ARHGEF12: variants seen among roughly 807,000 people sequenced by gnomAD.
ARHGEF12 encodes the protein KMT2A/ARHGEF12 fusion protein.
Under a neutral mutation model 211.2 loss-of-function variants are expected in ARHGEF12, and 66 were observed. The observed-to-expected ratio is 0.31, with a 90% CI of 0.26 to 0.38. The LOEUF (loss-of-function observed/expected upper bound fraction) is 0.38, where lower values mean the gene tolerates loss of function less well. Among genes scored for constraint, ARHGEF12 ranks in the 10% least tolerant of loss-of-function variants. The pLI is 1.00. For synonymous variants in ARHGEF12, 592 were observed against 638.4 expected, an observed-to-expected ratio of 0.93 and a Z score of 1.09; for missense variants, 1,429 against 1,869.5, an observed-to-expected ratio of 0.76 and a Z score of 4.34.
Position 120,433,990 on chromosome 11 carries a change from T to C in ARHGEF12, c.924+2079T>C, listed in dbSNP as rs150558883. 4.7e-4 allele frequency among the ~76,000 whole-genome samples: 71 copies of C among 152,248 alleles called. No homozygotes were observed. The East Asian group carries it at 0.014, about 29-fold the overall frequency. On this transcript the variant is annotated intron_variant, in intron 11 of 40. Transcript: ENST00000397843. The stretch of plus-strand genomic sequence containing the variant: ...GGTAAAAAAAAAAGAGTGAATTGTT[T>C]AGTATAGAAATAGGCATTCCAATCA...
intron 1 of ARHGEF12, among the ~76,000 whole-genome samples, chr11:120,377,382 G>A (rs537750757): frequency 6.6e-6 from 1 of 151,720 alleles, no homozygotes; most frequent in African/African-American, 2.4e-5. Context: ...TGTTTCCCAG[G>A]CTGGCTGGAG....
At chr11:120,448,424 C>A in intron 20 of ARHGEF12, 76 bp downstream of exon 20, 2 of 1,062,510 alleles carry the variant, frequency 1.9e-6, no homozygotes, top group South Asian at 1.4e-5. Flanking sequence ...CTTCCATCAT[C>A]TTAGTATTTA....
At chr11:120,455,724 G>T (rs1170782763) in intron 22 of ARHGEF12, among the ~76,000 whole-genome samples, 4 of 152,222 alleles carry the variant, frequency 2.6e-5, no homozygotes, top group East Asian at 1.9e-4. Flanking sequence ...CACTGCTCCA[G>T]ATTGGAACAC....
intron 34 of ARHGEF12, 106 bp from the exon 35 acceptor site, chr11:120,477,111 GTT>G: frequency 1.5e-5 from 11 of 717,112 alleles, no homozygotes; most frequent in Non-Finnish European, 2.6e-5. Context: ...TGTTGTTGTT[GTT>G]GTTGTTGGTT....
At position 120,477,572 on chromosome 11, in the gene ARHGEF12, G is replaced by A. The variant is rs763767687; in HGVS notation, c.3532+46G>A. On this transcript the variant is annotated intron_variant, in intron 36 of 40. Coordinates refer to ENST00000397843, the MANE Select transcript of ARHGEF12 (RefSeq NM_015313.3). ...CAATGGAGAATGTGCTCTATTATCT[G>A]TTAAAATGCTGGCCGGATGTGGTGG... 3.2e-6 allele frequency: 5 copies of A among 1,560,132 alleles called. No individual in the cohort carries two copies. The South Asian group carries it at 5.7e-5, about 18-fold the overall frequency.
At chr11:120,381,816 C>G (rs2135454956) in intron 1 of ARHGEF12, among the ~76,000 whole-genome samples, 1 of 152,338 alleles carries the variant, frequency 6.6e-6, no homozygotes, top group South Asian at 2.1e-4. Context: ...AAACACTCTC[C>G]TCTCCTCTAG....
At position 120,477,877 on chromosome 11, in the gene ARHGEF12, A is replaced by G. The variant is rs560757122; in HGVS notation, c.3533-279A>G. ...ACCGAAACACCAAAAAAAAAAAAGA[A>G]AAAAAGAAAAAAAAGAAAATAAAAT... On this transcript the variant is annotated intron_variant, in intron 36 of 40. Coordinates refer to ENST00000397843, the MANE Select transcript of ARHGEF12 (RefSeq NM_015313.3). Among the ~76,000 whole-genome samples the G allele has an allele frequency of 7.1e-4, 106 of 149,084 alleles. 1 individual carries two copies. Among genetic ancestry groups the G allele is most frequent in the Non-Finnish European group, 1.2e-3 (83 of 67,836 alleles).
intron 1 of ARHGEF12, among the ~76,000 whole-genome samples, chr11:120,354,480 T>A (rs1247157056): frequency 6.6e-6 from 1 of 152,248 alleles, no homozygotes. Flanking sequence ...TTACTTTTAA[T>A]CTCATTTCTT....
Position 120,480,000 on chromosome 11 carries a change from G to T in ARHGEF12, c.3807G>T (p.Leu1269Phe). 6.2e-7 allele frequency: 1 copy of T among 1,614,060 alleles called. No individual in the cohort carries two copies. The highest frequency in any genetic ancestry group is 1.1e-5 in the South Asian group (1 of 91,042). Residue 1269 changes from leucine (L) to phenylalanine (F), a missense_variant, in exon 38 of 41, where the codon TTG (leucine) becomes TTT (phenylalanine). Leu to Phe is a conservative substitution (Grantham distance 22, BLOSUM62 0). Around this residue, in one of 7 missense-constraint regions of ARHGEF12, gnomAD observed 467 missense variants for 468.4 expected, o/e 1.00. Transcript: ENST00000397843. ...LKQLLVQQLGLTEKSVQEDWQ... is the reference protein window; with the variant it reads ...LKQLLVQQLGFTEKSVQEDWQ... ...AGTTGCTGGTGCAACAGCTAGGTTT[G>T]ACTGAGAAGAGCGTTCAGGAAGACT...
Position 120,433,425 on chromosome 11 carries a change from G to A in ARHGEF12, c.924+1514G>A, listed in dbSNP as rs549974923. 6.6e-5 allele frequency among the ~76,000 whole-genome samples: 10 copies of A among 152,172 alleles called. No individual in the cohort carries two copies. The South Asian group carries it at 1.5e-3, about 22-fold the overall frequency. Reference sequence around the variant, plus strand: ...CATACCGCTTTTGGGAATGCTTTTCGTACTCTTCTTTTTGTTTTAGTAATG... The same window carrying A: ...CATACCGCTTTTGGGAATGCTTTTCATACTCTTCTTTTTGTTTTAGTAATG... On this transcript the variant is annotated intron_variant, in intron 11 of 40. Transcript: ENST00000397843.
At chr11:120,338,230 A>G (rs560250867) in intron 1 of ARHGEF12, among the ~76,000 whole-genome samples, 24 of 152,366 alleles carry the variant, frequency 1.6e-4, no homozygotes, top group African/African-American at 5.3e-4. Context: ...GAATTATTAC[A>G]CCGTGAAAAA....
At position 120,428,723 on chromosome 11, in the gene ARHGEF12, G is replaced by T. The variant is rs116797112; in HGVS notation, c.585+476G>T. On this transcript the variant is annotated intron_variant, in intron 8 of 40. Coordinates refer to ENST00000397843, the MANE Select transcript of ARHGEF12 (RefSeq NM_015313.3). ...CAAAAAAAATGCTAAGTTCTATGAG[G>T]ATTCAAAGGAGGGAGAAAGCACATA... Among the ~76,000 whole-genome samples the T allele has an allele frequency of 6.5e-3, 988 of 152,228 alleles. 10 individuals are homozygous for T. Among genetic ancestry groups the T allele is most frequent in the African/African-American group, 0.023 (936 of 41,534 alleles).
chr11:120,448,153 T>TC, intron 19 of ARHGEF12, 81 bp from the exon 20 acceptor site: 1 of 1,076,648 alleles, frequency 9.3e-7, no homozygotes, highest in South Asian at 1.4e-5. Context: ...AACCTTGGGG[T>TC]TTTGGAAATC....
In ARHGEF12 at chr11:120,485,891, G is replaced by T. The variant is rs1947384630; in HGVS notation, c.*814G>T. The T allele has an allele frequency of 1.3e-5, 3 of 233,098 alleles. No individual in the cohort carries two copies. The highest frequency in any genetic ancestry group is 2.5e-3 in the Middle Eastern group (2 of 806). 14.4% of individuals were successfully genotyped at this position (233,098 alleles called of 1,614,324 possible). A position where few individuals can be genotyped will look rare whatever the true frequency, so the allele number is the denominator to read the frequency against. ...TCCATTGTCGTCTTTTCTATTGAGG[G>T]TTGGGATTTGGGTGGGAGAGGAAAG... On this transcript the variant is annotated 3_prime_UTR_variant, in exon 41 of 41. Transcript: ENST00000397843.
intron 1 of ARHGEF12, among the ~76,000 whole-genome samples, chr11:120,395,765 C>T (rs1169828769): frequency 2.0e-5 from 3 of 152,010 alleles, no homozygotes; most frequent in South Asian, 2.1e-4. Context: ...AAAAGACCCC[C>T]CCCCTTCATG....
At chr11:120,434,980 C>G (rs1406703379) in intron 11 of ARHGEF12, among the ~76,000 whole-genome samples, 2 of 152,148 alleles carry the variant, frequency 1.3e-5, no homozygotes. Flanking sequence ...ATATGTCTCT[C>G]TCTAAGAGAT....
rs768074347 is a variant in ARHGEF12, at chr11:120,451,498, C to G, written c.1844-14C>G. The G allele has an allele frequency of 9.4e-5, 152 of 1,613,196 alleles. 1 individual carries two copies. The highest frequency in any genetic ancestry group is 1.2e-4 in the Non-Finnish European group (146 of 1,179,762). On this transcript the variant is annotated splice_polypyrimidine_tract_variant and intron_variant, in intron 21 of 40. Coordinates refer to ENST00000397843, the MANE Select transcript of ARHGEF12 (RefSeq NM_015313.3). Reference sequence around the variant, plus strand: ...AGCCGCAATACAGATTATTAACCATCATTTTCTGATCAGTTGGCAGAGCCA... The same window carrying G: ...AGCCGCAATACAGATTATTAACCATGATTTTCTGATCAGTTGGCAGAGCCA...
Position 120,485,101 on chromosome 11 carries a change from G to T in ARHGEF12, c.*24G>T. The T allele has an allele frequency of 6.2e-6, 10 of 1,613,320 alleles. No homozygotes were observed. Among genetic ancestry groups the T allele is most frequent in the Non-Finnish European group, 8.5e-6 (10 of 1,179,616 alleles). On this transcript the variant is annotated 3_prime_UTR_variant, in exon 41 of 41. Coordinates refer to ENST00000397843, the MANE Select transcript of ARHGEF12 (RefSeq NM_015313.3). The stretch of plus-strand genomic sequence containing the variant: ...AGAGCCGCATGTCCTGGAGGTGACT[G>T]CAGGTTGTTGGATTTGGAGTATCGG...
At chr11:120,463,514 A>G (rs1337526081) in intron 27 of ARHGEF12, 1 of 140,848 alleles carries the variant, frequency 7.1e-6, no homozygotes, top group East Asian at 2.0e-4. Flanking sequence ...AACAAGAGCG[A>G]AACTCAGTCT....
Sources: allele counts gnomAD v4.1 joint callset (sites outside exome capture counted in the v4.1 genomes callset), GRCh38; gene constraint gnomAD v4.1.1; regional missense constraint gnomAD v4.1.1; transcripts MANE v1.5; gene names NCBI Gene and HGNC (gene_info 2026-07-23, HGNC 2026-07-21).